The following GUCY2F variants were observed in gnomAD, a reference collection of about 807,000 sequenced individuals.
GUCY2F encodes the protein retinal guanylyl cyclase 2.
Under a neutral mutation model 73.1 loss-of-function variants are expected in GUCY2F, and 61 were observed. That is an observed-to-expected ratio of 0.83 (90% CI 0.68 to 1.03). The LOEUF (loss-of-function observed/expected upper bound fraction) is 1.03, where lower values mean the gene tolerates loss of function less well. Among genes scored for constraint, GUCY2F ranks in the 50% least tolerant of loss-of-function variants. The pLI, the probability that GUCY2F is intolerant of heterozygous loss-of-function variation, is 0.00. For synonymous variants in GUCY2F, 331 were observed against 307.8 expected, an observed-to-expected ratio of 1.08 and a Z score of -0.79; for missense variants, 912 against 854.3, an observed-to-expected ratio of 1.07 and a Z score of -0.84.
intron 5 of GUCY2F, among the ~76,000 whole-genome samples, chrX:109,448,925 T>C (rs912959747): frequency 1.7e-4 from 19 of 112,334 alleles, no homozygotes; most frequent in African/African-American, 5.8e-4. Context: ...TTGTAGTGAA[T>C]GTAATTATTT....
intron 5 of GUCY2F, among the ~76,000 whole-genome samples, chrX:109,448,394 G>T (rs987715776): frequency 1.8e-5 from 2 of 111,918 alleles, no homozygotes; most frequent in East Asian, 5.6e-4. Context: ...AAATGCTCTT[G>T]AAGAGGCACC....
Position 109,388,616 on chromosome X carries a change from C to T in GUCY2F, c.2829G>A (p.Lys943=). The T allele has an allele frequency of 8.3e-7, 1 of 1,202,475 alleles. No individual in the cohort carries two copies. Among genetic ancestry groups the T allele is most frequent in the Non-Finnish European group, 1.1e-6 (1 of 887,445 alleles). ...CAGCTGCATGCCTACTGCCATTCCT[C>T]TTTGGGAGGCCTGAAGCCACCATGT... ...DAYMVASGLP[K]RNGSRHAAEI... Residue 943 remains lysine (K), a synonymous_variant, in exon 15 of 20, where the codon AAG becomes AAA. Transcript: ENST00000218006.
chrX:109,379,829 T>A (rs1930260716), intron 17 of GUCY2F, among the ~76,000 whole-genome samples: 1 of 112,357 alleles, frequency 8.9e-6, no homozygotes, highest in Non-Finnish European at 1.9e-5. Flanking sequence ...GCCTGTATAG[T>A]ACAAGAGGGG....
At chrX:109,412,834 C>T (rs1446884029) in intron 8 of GUCY2F, among the ~76,000 whole-genome samples, 1 of 111,328 alleles carries the variant, frequency 9.0e-6, no homozygotes, top group Non-Finnish European at 1.9e-5. Flanking sequence ...TAGGCTAAGG[C>T]TTTTATACCC....
chrX:109,413,958 T>G lies in GUCY2F; in HGVS notation c.1792-4790A>C, dbSNP rs1931176116. ...AAGAAAATTTTCTTTCTTCTTTTTT[T>G]TTTTTGAGGCAGAGTCTCGCTCTCG... is the stretch of plus-strand genomic sequence containing the variant. On this transcript the variant is annotated intron_variant, in intron 8 of 19. Coordinates refer to ENST00000218006, the MANE Select transcript of GUCY2F (RefSeq NM_001522.3). 2.7e-5 allele frequency among the ~76,000 whole-genome samples: 3 copies of G among 110,639 alleles called. No homozygotes were observed. In the South Asian group the frequency reaches 1.2e-3, roughly 43 times the overall value.
chrX:109,453,452 C>A, intron 4 of GUCY2F, 53 bp downstream of exon 4: 1 of 754,252 alleles, frequency 1.3e-6, no homozygotes, highest in Non-Finnish European at 2.0e-6. Context: ...AAAGAGGTTC[C>A]CTTGTAACCC....
intron 3 of GUCY2F, 31 bp from the exon 4 acceptor site, chrX:109,453,890 C>T: frequency 2.3e-6 from 2 of 874,451 alleles, no homozygotes; most frequent in Non-Finnish European, 3.2e-6. Flanking sequence ...TATCTTGAGC[C>T]CTGGTCGCCC....
At chrX:109,448,189 G>T in intron 5 of GUCY2F, 24 bp from the exon 6 acceptor site, 1 of 783,974 alleles carries the variant, frequency 1.3e-6, no homozygotes, top group Non-Finnish European at 2.0e-6. Flanking sequence ...GAAATCAGAG[G>T]GTCACAAGGG....
chrX:109,423,280 G>A (rs769307587), intron 8 of GUCY2F, among the ~76,000 whole-genome samples: 2 of 111,904 alleles, frequency 1.8e-5, no homozygotes, highest in Non-Finnish European at 3.8e-5. Context: ...CTTCCAGTCT[G>A]TAAAAACAGG....
At chrX:109,451,257 C>T (rs2147276701) in intron 5 of GUCY2F, among the ~76,000 whole-genome samples, 1 of 112,181 alleles carries the variant, frequency 8.9e-6, no homozygotes, top group African/African-American at 3.2e-5. Context: ...TCTGAAGTAG[C>T]TCATTAGATT....
At chrX:109,373,779 C>A (rs1930112634) in intron 19 of GUCY2F, among the ~76,000 whole-genome samples, 1 of 112,939 alleles carries the variant, frequency 8.9e-6, no homozygotes, top group Admixed American at 9.3e-5. Flanking sequence ...GGCTTGTCAG[C>A]CCAAAATTAA....
intron 5 of GUCY2F, among the ~76,000 whole-genome samples, chrX:109,450,398 G>A (rs747412617): frequency 1.4e-4 from 16 of 111,484 alleles, no homozygotes; most frequent in Non-Finnish European, 2.4e-4. Flanking sequence ...AGTGAAAACT[G>A]TCAGTTGCGG....
At position 109,456,223 on chromosome X, in the gene GUCY2F, T is replaced by C. The variant is rs1032829931; in HGVS notation, c.1033-2364A>G. On this transcript the variant is annotated intron_variant, in intron 3 of 19. Coordinates refer to ENST00000218006, the MANE Select transcript of GUCY2F (RefSeq NM_001522.3). The stretch of plus-strand genomic sequence containing the variant: ...TCCCTCTCCTGACATTCTTGGATGC[T>C]GTATTTGATTGTCTTTGTAATTTCT... Among the ~76,000 whole-genome samples the C allele has an allele frequency of 5.3e-5, 6 of 112,266 alleles. No homozygotes were observed. The East Asian group carries it at 1.1e-3, about 21-fold the overall frequency.
chrX:109,392,143 C>A (rs1235646278), intron 13 of GUCY2F, 40 bp from the exon 14 acceptor site: 3 of 1,011,094 alleles, frequency 3.0e-6, no homozygotes, highest in Non-Finnish European at 4.1e-6. Context: ...TGACACTGGT[C>A]CCCCTTCATG....
chrX:109,379,226 G>A (rs1930244515), intron 17 of GUCY2F, among the ~76,000 whole-genome samples: 1 of 112,077 alleles, frequency 8.9e-6, no homozygotes, highest in African/African-American at 3.2e-5. Flanking sequence ...GCCAAAGGTG[G>A]GTGAAATGAA....
At chrX:109,453,283 G>A (rs1023566081) in intron 4 of GUCY2F, among the ~76,000 whole-genome samples, 1 of 110,238 alleles carries the variant, frequency 9.1e-6, no homozygotes, top group South Asian at 3.9e-4. Context: ...AGAGTGGTGG[G>A]GAGGCTTTTA....
chrX:109,453,167 A>G (rs1478112050), intron 4 of GUCY2F, among the ~76,000 whole-genome samples: 2 of 111,538 alleles, frequency 1.8e-5, no homozygotes, highest in Non-Finnish European at 3.8e-5. Flanking sequence ...CCTTGAAAGC[A>G]GGAGAAACAA....
chrX:109,431,977 C>T (rs1019448497), intron 7 of GUCY2F, among the ~76,000 whole-genome samples: 2 of 110,019 alleles, frequency 1.8e-5, no homozygotes, highest in African/African-American at 6.6e-5. Context: ...AAGGGTAGTA[C>T]CGGATCAGTG....
At chrX:109,454,786 C>CA (rs1232231262) in intron 3 of GUCY2F, among the ~76,000 whole-genome samples, 1 of 110,875 alleles carries the variant, frequency 9.0e-6, no homozygotes. Flanking sequence ...CATGGCCCCT[C>CA]ACACACGCGG....
Sources: gnomAD v4.1 joint callset for allele counts (sites outside exome capture counted in the v4.1 genomes callset) on GRCh38, gnomAD v4.1.1 for gene constraint, MANE v1.5 for transcripts, NCBI Gene and HGNC (gene_info 2026-07-23, HGNC 2026-07-21) for gene names.